GFM1: variants seen among roughly 807,000 people sequenced by gnomAD.
GFM1 encodes G elongation factor mitochondrial 1, also known as elongation factor G, mitochondrial.
A neutral mutation model predicts 96.2 loss-of-function variants in GFM1; 62 were observed. The observed-to-expected ratio is 0.64, with a 90% CI of 0.53 to 0.80. The LOEUF is 0.80. Ranked by LOEUF, GFM1 falls within the 30% of genes least tolerant of loss-of-function variation. GFM1 has a pLI of 0.00. For missense variants in GFM1, 852 were observed against 916.6 expected (o/e 0.93, Z 0.91); for synonymous variants, 282 against 312.9 (o/e 0.90, Z 1.04).
intron 13 of GFM1, among the ~76,000 whole-genome samples, chr3:158,676,811 T>C (rs1560141447): frequency 6.6e-6 from 1 of 151,908 alleles, no homozygotes; most frequent in African/African-American, 2.4e-5. Flanking sequence ...GCAATTCTCC[T>C]GCCTCAGCTT....
intron 2 of GFM1, 83 bp downstream of exon 2, chr3:158,645,864 C>A (rs146834156): frequency 1.7e-4 from 219 of 1,278,650 alleles, no homozygotes; most frequent in Middle Eastern, 1.0e-3. Flanking sequence ...GCTTATAAAC[C>A]TGAAAGATTA....
chr3:158,663,916 T>C (rs1464010211), intron 11 of GFM1, among the ~76,000 whole-genome samples: 1 of 152,096 alleles, frequency 6.6e-6, no homozygotes, highest in East Asian at 1.9e-4. Context: ...GTCTCAATAG[T>C]GGGGGCAGGC....
chr3:158,666,677 C>G (rs1723722596), intron 13 of GFM1: 1 of 1,613,798 alleles, frequency 6.2e-7, no homozygotes, highest in African/African-American at 1.3e-5. Context: ...TGGCAGACGG[C>G]TATTATGTTT....
chr3:158,681,674 T>C (rs1307490756), intron 13 of GFM1, among the ~76,000 whole-genome samples: 1 of 152,152 alleles, frequency 6.6e-6, no homozygotes, highest in Non-Finnish European at 1.5e-5. Context: ...TCCAGGGAAA[T>C]GGGCAAGGTT....
At chr3:158,670,837 G>T in intron 13 of GFM1, 1 of 1,269,994 alleles carries the variant, frequency 7.9e-7, no homozygotes, top group South Asian at 2.0e-5. Context: ...GGGAGGCTGA[G>T]GTGGGAAGAT....
chr3:158,666,182 G>C (rs995679831), intron 12 of GFM1, 122 bp from the exon 13 acceptor site: 1 of 726,188 alleles, frequency 1.4e-6, no homozygotes, highest in African/African-American at 1.8e-5. Context: ...ATACTAAAAT[G>C]ATTTAAGATT....
intron 13 of GFM1, 144 bp downstream of exon 13, chr3:158,666,530 C>G (rs1723698727): frequency 3.4e-6 from 4 of 1,170,450 alleles, no homozygotes; most frequent in Non-Finnish European, 5.1e-6. Flanking sequence ...ATACTGTAAT[C>G]AAGACATTTA....
intron 16 of GFM1, chr3:158,690,545 T>C: frequency 1.8e-6 from 1 of 545,416 alleles, no homozygotes. Context: ...TTCTTAGATG[T>C]ATATTATCTC....
intron 9 of GFM1, among the ~76,000 whole-genome samples, chr3:158,659,336 C>T (rs1012923263): frequency 6.6e-6 from 1 of 152,146 alleles, no homozygotes; most frequent in Admixed American, 6.5e-5. Flanking sequence ...ACTCAGAATA[C>T]AAGATTCAGC....
At chr3:158,651,902 A>G (rs959037845) in intron 5 of GFM1, among the ~76,000 whole-genome samples, 194 bp from the exon 6 acceptor site, 4 of 151,996 alleles carry the variant, frequency 2.6e-5, no homozygotes, top group African/African-American at 9.7e-5. Context: ...AAACTTGCCT[A>G]TTTCAGTATA....
At chr3:158,645,828 T>C in intron 2 of GFM1, 47 bp downstream of exon 2, 1 of 1,466,112 alleles carries the variant, frequency 6.8e-7, no homozygotes, top group Non-Finnish European at 9.6e-7. Flanking sequence ...CAGATTTTAA[T>C]TGTTTTGTTG....
intron 12 of GFM1, 143 bp downstream of exon 12, chr3:158,665,617 C>T: frequency 1.4e-6 from 1 of 713,132 alleles, no homozygotes; most frequent in Non-Finnish European, 2.5e-6. Flanking sequence ...TGGTCTACTG[C>T]TTCCTCTACT....
chr3:158,661,699 A>C (rs1723210628), intron 10 of GFM1, among the ~76,000 whole-genome samples: 1 of 152,154 alleles, frequency 6.6e-6, no homozygotes, highest in Non-Finnish European at 1.5e-5. Flanking sequence ...CTCTTTTATG[A>C]ATTCAGTAAA....
chr3:158,645,705 C>A lies in GFM1; in HGVS notation c.158C>A (p.Ala53Asp). ...NEKIRNIGIS[A>D]HIDSGKTTLT... ...AAAATACGAAATATTGGAATCTCAG[C>A]TCACATTGATTCTGGGAAAACTACA... Residue 53 changes from alanine to aspartate, a missense_variant, in exon 2 of 18, where the codon GCT (alanine) becomes GAT (aspartate). Coordinates refer to ENST00000486715, the MANE Select transcript of GFM1 (RefSeq NM_024996.7). 1 of 1,610,144 alleles carries A rather than the reference C, an allele frequency of 6.2e-7. No homozygotes were observed. Among genetic ancestry groups the A allele is most frequent in the Non-Finnish European group, 8.5e-7 (1 of 1,176,348 alleles).
chr3:158,667,155 G>T, intron 13 of GFM1: 1 of 1,335,956 alleles, frequency 7.5e-7, no homozygotes, highest in South Asian at 1.5e-5. Context: ...AATCATCTTT[G>T]ATTAGATGAA....
At chr3:158,670,954 T>C (rs1724230000) in intron 13 of GFM1, 3 of 1,535,844 alleles carry the variant, frequency 2.0e-6, no homozygotes, top group Non-Finnish European at 2.6e-6. Context: ...AAATTTAACT[T>C]ACTTTTTGTA....
rs1726354216 is a variant in GFM1, at chr3:158,691,917, A to C, written c.*450A>C. 6.0e-6 allele frequency: 1 copy of C among 167,692 alleles called. No homozygotes were observed. The highest frequency in any genetic ancestry group is 2.5e-5 in the African/African-American group (1 of 40,208). The allele number at this position is 167,692 out of a possible 1,614,324, so 10.4% of individuals were successfully genotyped here. On this transcript the variant is annotated 3_prime_UTR_variant, in exon 18 of 18. Coordinates refer to ENST00000486715, the MANE Select transcript of GFM1 (RefSeq NM_024996.7). Reference sequence around the variant, plus strand: ...TTAACGGGTTGTTTATCATATAATAATTTGTTTTGTCATATTTGCTTTCAC... The same window carrying C: ...TTAACGGGTTGTTTATCATATAATACTTTGTTTTGTCATATTTGCTTTCAC...
chr3:158,660,495 G>A (rs62288301), intron 9 of GFM1: 44,058 of 240,510 alleles, frequency 0.18, 4,269 homozygotes, highest in Non-Finnish European at 0.22. Flanking sequence ...TGATCCACTC[G>A]CCTCGGCCTC....
intron 13 of GFM1, among the ~76,000 whole-genome samples, chr3:158,680,432 GTTC>G (rs1437428629): frequency 6.6e-6 from 1 of 151,946 alleles, no homozygotes; most frequent in Non-Finnish European, 1.5e-5. Context: ...AGCAGTCTTA[GTTC>G]TTCTACCTGT....
Sources: gnomAD v4.1 joint callset for allele counts (sites outside exome capture counted in the v4.1 genomes callset) on GRCh38, gnomAD v4.1.1 for gene constraint, MANE v1.5 for transcripts, NCBI Gene and HGNC (gene_info 2026-07-23, HGNC 2026-07-21) for gene names.